PDE8B: variants seen among roughly 807,000 people sequenced by gnomAD.
The protein encoded by PDE8B is phosphodiesterase 8B, also known as high affinity cAMP-specific and IBMX-insensitive 3',5'-cyclic phosphodiesterase 8B.
Under a neutral mutation model 101.3 loss-of-function variants are expected in PDE8B, and 26 were observed. The observed-to-expected ratio is 0.26, with a 90% CI of 0.19 to 0.36. The LOEUF is 0.36. Among genes scored for constraint, PDE8B ranks in the 10% least tolerant of loss-of-function variants. The pLI is 1.00. For missense variants in PDE8B, 810 were observed against 1,163.1 expected (o/e 0.70, Z 4.42); for synonymous variants, 424 against 429.3 (o/e 0.99, Z 0.15).
chr5:77,219,409 A>G (rs1055196668), intron 1 of PDE8B, among the ~76,000 whole-genome samples: 16 of 152,218 alleles, frequency 1.1e-4, no homozygotes, highest in African/African-American at 3.4e-4. Context: ...GGAAATTTTT[A>G]TAGGAAGATG....
intron 18 of PDE8B, among the ~76,000 whole-genome samples, chr5:77,418,804 G>A (rs982259395): frequency 6.6e-5 from 10 of 152,220 alleles, no homozygotes; most frequent in South Asian, 2.1e-4. Flanking sequence ...ATTTCCGGCC[G>A]CTTAAAATAC....
chr5:77,102,930 C>T, the PDE8B span, among the ~76,000 whole-genome samples: 1 of 152,192 alleles, frequency 6.6e-6, no homozygotes, highest in African/African-American at 2.4e-5. Context: ...CACTTGACCA[C>T]GTGGTCAGAG....
At chr5:77,343,937 G>T (rs1779690208) in intron 6 of PDE8B, among the ~76,000 whole-genome samples, 1 of 142,710 alleles carries the variant, frequency 7.0e-6, no homozygotes, top group Admixed American at 7.3e-5. Context: ...ACTTTGGCTG[G>T]TGCCTACACA....
At chr5:77,314,276 C>T (rs1339358578) in intron 2 of PDE8B, among the ~76,000 whole-genome samples, 3 of 152,038 alleles carry the variant, frequency 2.0e-5, no homozygotes, top group Admixed American at 6.6e-5. Context: ...CACACTGTCT[C>T]GATTAGTGTA....
chr5:77,410,497 T>C (rs1205899174), intron 14 of PDE8B: 3 of 152,238 alleles, frequency 2.0e-5, no homozygotes, highest in East Asian at 3.9e-4. Flanking sequence ...TTTGGCCCCA[T>C]GTCCGAGTCC....
chr5:77,218,444 G>A (rs1750298126), intron 1 of PDE8B, among the ~76,000 whole-genome samples: 1 of 152,298 alleles, frequency 6.6e-6, no homozygotes, highest in Non-Finnish European at 1.5e-5. Flanking sequence ...GGTCCGAATG[G>A]TCTCTCACCC....
the PDE8B span, among the ~76,000 whole-genome samples, chr5:77,155,731 G>A: frequency 6.6e-6 from 1 of 152,128 alleles, no homozygotes; most frequent in African/African-American, 2.4e-5. Context: ...CTAACTTGCC[G>A]ATGATGGTAT....
the PDE8B span, among the ~76,000 whole-genome samples, chr5:77,096,705 G>A: frequency 3.3e-5 from 5 of 152,248 alleles, no homozygotes; most frequent in African/African-American, 9.6e-5. Flanking sequence ...AAACCATAGC[G>A]CCAGCAGTAC....
At chr5:77,335,744 T>C (rs987440922) in intron 5 of PDE8B, among the ~76,000 whole-genome samples, 101 of 152,310 alleles carry the variant, frequency 6.6e-4, no homozygotes, top group African/African-American at 2.3e-3. Flanking sequence ...ATTCTGCTTA[T>C]CTTTCTACTT....
intron 1 of PDE8B, among the ~76,000 whole-genome samples, chr5:77,260,157 CAAAAAA>C (rs66923234): frequency 9.9e-6 from 1 of 100,976 alleles, no homozygotes; most frequent in East Asian, 2.7e-4. Flanking sequence ...AACTCCATCA[CAAAAAA>C]AAAAAAAAAA....
chr5:77,288,395 C>T (rs1049768774), intron 1 of PDE8B, among the ~76,000 whole-genome samples: 1 of 152,174 alleles, frequency 6.6e-6, no homozygotes, highest in Admixed American at 6.5e-5. Flanking sequence ...TCCTTTCTCT[C>T]GCAGATCTTG....
intron 4 of PDE8B, 31 bp downstream of exon 4, chr5:77,329,088 G>T (rs1776621245): frequency 3.2e-6 from 5 of 1,545,046 alleles, no homozygotes; most frequent in Non-Finnish European, 4.5e-6. Context: ...CAGATGGAAG[G>T]AGTACTGTTC....
chr5:77,089,992 C>A, the PDE8B span, among the ~76,000 whole-genome samples: 1 of 152,118 alleles, frequency 6.6e-6, no homozygotes, highest in Non-Finnish European at 1.5e-5. Flanking sequence ...TTTGCAGCAA[C>A]ATGCAGGGAA....
At position 77,427,946 on chromosome 5, in the gene PDE8B, T is replaced by C. The variant is rs2151266991; in HGVS notation, c.*1392T>C. ...AATACAAATTGGAATGCAGAATACTTGGAACTTGTACATGGGGAAAAAATG... is the reference window on the plus strand; with the variant it reads ...AATACAAATTGGAATGCAGAATACTCGGAACTTGTACATGGGGAAAAAATG... On this transcript the variant is annotated 3_prime_UTR_variant, in exon 22 of 22. Transcript: ENST00000264917. 6.6e-6 allele frequency: 1 copy of C among 152,340 alleles called. No individual in the cohort carries two copies. The highest frequency in any genetic ancestry group is 2.4e-5 in the African/African-American group (1 of 41,574). The allele number at this position is 152,340 out of a possible 1,614,324, so 9.4% of individuals were successfully genotyped here. A position where few individuals can be genotyped will look rare whatever the true frequency, so the allele number is the denominator to read the frequency against.
chr5:77,142,874 C>T, the PDE8B span, among the ~76,000 whole-genome samples: 1 of 151,912 alleles, frequency 6.6e-6, no homozygotes, highest in Non-Finnish European at 1.5e-5. Flanking sequence ...TCAGAATTTA[C>T]TCAATGGCAG....
At chr5:77,390,010 C>G (rs1273117260) in intron 10 of PDE8B, among the ~76,000 whole-genome samples, 1 of 152,156 alleles carries the variant, frequency 6.6e-6, no homozygotes, top group East Asian at 1.9e-4. Flanking sequence ...AACTGGCAGG[C>G]CTTTTTTCCA....
chr5:77,334,355 G>A (rs535294374), intron 5 of PDE8B, among the ~76,000 whole-genome samples: 3 of 152,320 alleles, frequency 2.0e-5, no homozygotes, highest in East Asian at 1.9e-4. Flanking sequence ...GTAAGCAGCC[G>A]ACTATATAGA....
At chr5:77,093,751 T>C in the PDE8B span, among the ~76,000 whole-genome samples, 1 of 152,096 alleles carries the variant, frequency 6.6e-6, no homozygotes, top group Non-Finnish European at 1.5e-5. Context: ...TTTAGTGTCA[T>C]GATGTCATCT....
intron 10 of PDE8B, among the ~76,000 whole-genome samples, chr5:77,359,541 G>T (rs11744847): frequency 1.3e-5 from 2 of 152,182 alleles, no homozygotes; most frequent in East Asian, 1.9e-4. Context: ...CTGCTACATC[G>T]AGGATGTTTA....
Sources: gnomAD v4.1 joint callset for allele counts (sites outside exome capture counted in the v4.1 genomes callset) on GRCh38, gnomAD v4.1.1 for gene constraint, MANE v1.5 for transcripts, NCBI Gene and HGNC (gene_info 2026-07-23, HGNC 2026-07-21) for gene names.